DOCK4: variants seen among roughly 807,000 people sequenced by gnomAD.
The protein encoded by DOCK4 is dedicator of cytokinesis protein 4.
Under a neutral mutation model 268.1 loss-of-function variants are expected in DOCK4, and 97 were observed. The observed-to-expected ratio is 0.36, with a 90% CI of 0.31 to 0.43. The LOEUF (loss-of-function observed/expected upper bound fraction) is 0.43. Ranked by LOEUF, DOCK4 falls within the 20% of genes least tolerant of loss-of-function variation. The pLI is 1.00. For missense variants in DOCK4, 2,145 were observed against 2,455.7 expected, an observed-to-expected ratio of 0.87 and a Z score of 2.67; for synonymous variants, 954 against 887.2, an observed-to-expected ratio of 1.08 and a Z score of -1.34.
chr7:111,947,077 A>C (rs138055199), intron 8 of DOCK4, among the ~76,000 whole-genome samples: 55 of 152,348 alleles, frequency 3.6e-4, no homozygotes, highest in African/African-American at 1.3e-3. Context: ...CAACATCTAC[A>C]GAATGTAAAA....
intron 25 of DOCK4, among the ~76,000 whole-genome samples, chr7:111,842,198 G>A (rs1183360570): frequency 6.6e-6 from 1 of 152,150 alleles, no homozygotes; most frequent in Non-Finnish European, 1.5e-5. Flanking sequence ...TGACAGGAGG[G>A]GAGAGAGGGC....
chr7:111,922,524 A>G (rs1353234824), intron 12 of DOCK4, among the ~76,000 whole-genome samples: 1 of 152,146 alleles, frequency 6.6e-6, no homozygotes, highest in Non-Finnish European at 1.5e-5. Flanking sequence ...AAATAGATTT[A>G]CCCTGACATT....
chr7:112,079,400 C>G (rs1458592019), intron 1 of DOCK4, among the ~76,000 whole-genome samples: 1 of 152,166 alleles, frequency 6.6e-6, no homozygotes, highest in African/African-American at 2.4e-5. Flanking sequence ...CGAAACAAAA[C>G]TCAGCTAATC....
Position 111,854,480 on chromosome 7 carries a change from C to T in DOCK4, c.2474-7354G>A, listed in dbSNP as rs185132110. On this transcript the variant is annotated intron_variant, in intron 23 of 52. Coordinates refer to ENST00000428084, the MANE Select transcript of DOCK4 (RefSeq NM_001363540.2). The stretch of plus-strand genomic sequence containing the variant: ...CTCAGTTTTTGAGACGTGGGTCTTG[C>T]CGATGCTCCCAGCCGAATAAAGCCC... Among the ~76,000 whole-genome samples the T allele has an allele frequency of 8.8e-4, 134 of 152,306 alleles. 2 individuals are homozygous for T. The East Asian group carries it at 0.019, about 21-fold the overall frequency.
At chr7:111,732,434 G>T in intron 51 of DOCK4, 147 bp from the exon 52 acceptor site, 1 of 707,360 alleles carries the variant, frequency 1.4e-6, no homozygotes, top group Non-Finnish European at 2.4e-6. Flanking sequence ...TGGGGGAGAA[G>T]CTAAATGATG....
At position 112,110,503 on chromosome 7, in the gene DOCK4, C is replaced by T. The variant is rs1347361373; in HGVS notation, c.37+95599G>A. ...TATTACCCCTGCATCAGTGCCCTGA[C>T]ATTGGGCCTGTCCAGGGAGGAGCCA... On this transcript the variant is annotated intron_variant, in intron 1 of 52. Transcript: ENST00000428084. 3.3e-5 allele frequency among the ~76,000 whole-genome samples: 5 copies of T among 152,334 alleles called. No individual in the cohort carries two copies. In the East Asian group the frequency reaches 7.7e-4, roughly 24 times the overall value.
chr7:111,973,828 T>C (rs1197153928), intron 8 of DOCK4, among the ~76,000 whole-genome samples: 1 of 152,072 alleles, frequency 6.6e-6, no homozygotes, highest in Non-Finnish European at 1.5e-5. Flanking sequence ...TACATAAGGG[T>C]TCCTTACAAT....
chr7:112,146,488 T>C (rs1346911821), intron 1 of DOCK4, among the ~76,000 whole-genome samples: 1 of 152,186 alleles, frequency 6.6e-6, no homozygotes, highest in South Asian at 2.1e-4. Context: ...TCCCAGCATT[T>C]TGGGAGGCTG....
intron 1 of DOCK4, among the ~76,000 whole-genome samples, chr7:112,163,736 A>T (rs1817344982): frequency 6.6e-6 from 1 of 152,186 alleles, no homozygotes; most frequent in Non-Finnish European, 1.5e-5. Flanking sequence ...AGGCTTAGAG[A>T]GGTTAAGTAA....
chr7:111,983,472 G>A (rs190721664), intron 7 of DOCK4, among the ~76,000 whole-genome samples: 78 of 152,198 alleles, frequency 5.1e-4, no homozygotes, highest in African/African-American at 1.8e-3. Flanking sequence ...GTCTTTGAAA[G>A]CCCATCCCAA....
intron 1 of DOCK4, among the ~76,000 whole-genome samples, chr7:112,158,943 C>G (rs775888129): frequency 6.6e-5 from 10 of 152,150 alleles, no homozygotes; most frequent in Non-Finnish European, 1.0e-4. Flanking sequence ...CCAGCTTCAT[C>G]TAAGTTACTA....
chr7:111,873,919 T>C (rs1806633006), intron 17 of DOCK4, among the ~76,000 whole-genome samples: 1 of 152,188 alleles, frequency 6.6e-6, no homozygotes, highest in Non-Finnish European at 1.5e-5. Flanking sequence ...TATGATGTTT[T>C]CATAACCAAA....
intron 30 of DOCK4, among the ~76,000 whole-genome samples, chr7:111,792,956 G>A (rs1001367281): frequency 8.5e-5 from 13 of 152,180 alleles, no homozygotes; most frequent in African/African-American, 2.9e-4. Flanking sequence ...ACTGGCAATA[G>A]ATGAACACAT....
chr7:112,074,877 G>C (rs1471214687), intron 1 of DOCK4, among the ~76,000 whole-genome samples: 1 of 152,160 alleles, frequency 6.6e-6, no homozygotes, highest in African/African-American at 2.4e-5. Context: ...TCTTCTCAGA[G>C]ATCTATTTCA....
In DOCK4 at chr7:111,728,361, C is replaced by T. The variant is rs1005329248; in HGVS notation, c.5841G>A (p.Ala1947=). Residue 1947 remains alanine, a synonymous_variant, in exon 53 of 53, where the codon GCG becomes GCA. Coordinates refer to ENST00000428084, the MANE Select transcript of DOCK4 (RefSeq NM_001363540.2). ...CCCCATTCTCCAGGTGGCTGGATCG[C>T]GCTGCCAGAGGCTTGGGGGGCAGCG... is the stretch of plus-strand genomic sequence containing the variant. ...PPALPPKPLA[A]RSSHLENGAR... The T allele has an allele frequency of 3.9e-6, 6 of 1,525,292 alleles. No homozygotes were observed. The East Asian group carries it at 6.8e-5, about 17-fold the overall frequency. The allele number at this position is 1,525,292 out of a possible 1,614,324, so 94.5% of individuals were successfully genotyped here.
At chr7:112,117,521 C>T (rs1237763590) in intron 1 of DOCK4, among the ~76,000 whole-genome samples, 5 of 152,120 alleles carry the variant, frequency 3.3e-5, no homozygotes, top group Admixed American at 6.5e-5. Context: ...AACGTGCCAG[C>T]CACCACGCCT....
chr7:111,946,901 A>ATACCTATGTCACACAT (rs1795669557), intron 8 of DOCK4, among the ~76,000 whole-genome samples: 1 of 152,228 alleles, frequency 6.6e-6, no homozygotes, highest in Non-Finnish European at 1.5e-5. Flanking sequence ...ATTTAGATCC[A>ATACCTATGTCACACAT]AGGTAATGTG....
At position 111,736,951 on chromosome 7, in the gene DOCK4, T is replaced by C; in HGVS notation, c.5271A>G (p.Pro1757=). 1 of 1,605,428 alleles carries C rather than the reference T, an allele frequency of 6.2e-7. No homozygotes were observed. The highest frequency in any genetic ancestry group is 8.5e-7 in the Non-Finnish European group (1 of 1,175,902). ...LFNHIGDGAL[P]RSDPNLSAPE... is the part of the protein sequence containing the mutation. ...GTGCAGAGAGATTTGGGTCACTGCG[T>C]GGCAAGGCCCCGTCTCCAATATGAT... The change falls in exon 50 of 53, where the codon CCA becomes CCG. Residue 1757 remains proline (P), a synonymous_variant. Coordinates refer to ENST00000428084, the MANE Select transcript of DOCK4 (RefSeq NM_001363540.2).
At chr7:111,763,563 TTC>T (rs1797584443) in intron 39 of DOCK4, among the ~76,000 whole-genome samples, 1 of 152,248 alleles carries the variant, frequency 6.6e-6, no homozygotes, top group Non-Finnish European at 1.5e-5. Context: ...CTTAAACTAC[TTC>T]TAATTTTTTA....
Sources: gnomAD v4.1 joint callset for allele counts (sites outside exome capture counted in the v4.1 genomes callset) on GRCh38, gnomAD v4.1.1 for gene constraint, MANE v1.5 for transcripts, NCBI Gene and HGNC (gene_info 2026-07-23, HGNC 2026-07-21) for gene names.